Variants in TANC2 observed in about 807,000 individuals in gnomAD.
TANC2 encodes the protein protein TANC2.
Under a neutral mutation model 210.5 loss-of-function variants are expected in TANC2, and 26 were observed. That is an observed-to-expected ratio of 0.12 (90% CI 0.09 to 0.17). TANC2 has a LOEUF of 0.17. Among genes scored for constraint, TANC2 ranks in the 10% least tolerant of loss-of-function variants. The pLI, the probability that TANC2 is intolerant of heterozygous loss-of-function variation, is 1.00. For synonymous variants in TANC2, 931 were observed against 967.1 expected (o/e 0.96, Z 0.69); for missense variants, 2,129 against 2,608.9 (o/e 0.82, Z 4.01).
At chr17:63,172,091 T>C (rs1257099069) in intron 5 of TANC2, among the ~76,000 whole-genome samples, 3 of 152,196 alleles carry the variant, frequency 2.0e-5, no homozygotes, top group Non-Finnish European at 4.4e-5. Flanking sequence ...AAGTAACATT[T>C]TTTATAATGA....
intron 8 of TANC2, among the ~76,000 whole-genome samples, chr17:63,240,629 G>T (rs1178702571): frequency 6.6e-6 from 1 of 152,130 alleles, no homozygotes; most frequent in Non-Finnish European, 1.5e-5. Context: ...CAGACTATGG[G>T]AAGAGAGAAT....
intron 11 of TANC2, 73 bp from the exon 12 acceptor site, chr17:63,340,028 T>G: frequency 9.1e-7 from 1 of 1,098,404 alleles, no homozygotes. Context: ...GTATAATCAC[T>G]CAATAGCTGA....
chr17:63,279,055 T>C (rs1214801478), intron 9 of TANC2, among the ~76,000 whole-genome samples: 1 of 152,186 alleles, frequency 6.6e-6, no homozygotes, highest in Non-Finnish European at 1.5e-5. Context: ...CATGCTGTAC[T>C]ATTCACTTAA....
In TANC2 at chr17:63,018,392, A is replaced by C. The variant is rs1240537832; in HGVS notation, c.67+8766A>C. Among the ~76,000 whole-genome samples, 4 of 151,786 alleles carry C rather than the reference A, an allele frequency of 2.6e-5. No individual in the cohort carries two copies. The East Asian group carries it at 7.7e-4, about 29-fold the overall frequency. On this transcript the variant is annotated intron_variant, in intron 2 of 27. Coordinates refer to ENST00000689528, the Ensembl canonical transcript of TANC2. ...GCTCCTCAGGAGGCTGAGAGAGGAG[A>C]ATTGCTTGAACCTGAGAGGCAGAGA...
intron 9 of TANC2, among the ~76,000 whole-genome samples, chr17:63,268,547 C>T (rs192186400): frequency 2.0e-5 from 3 of 152,264 alleles, no homozygotes; most frequent in Non-Finnish European, 4.4e-5. Flanking sequence ...ATTCAAAACA[C>T]TTCTGATCCC....
At chr17:63,283,399 A>G (rs570239812) in intron 9 of TANC2, among the ~76,000 whole-genome samples, 2 of 151,850 alleles carry the variant, frequency 1.3e-5, no homozygotes, top group East Asian at 3.9e-4. Flanking sequence ...TCAACACTCC[A>G]GTCTTCTTTT....
At chr17:63,221,483 T>C (rs1310575406) in intron 7 of TANC2, among the ~76,000 whole-genome samples, 2 of 150,064 alleles carry the variant, frequency 1.3e-5, no homozygotes, top group African/African-American at 4.9e-5. Context: ...AAAGGGAAAT[T>C]ATAGATGAAG....
chr17:63,318,652 A>G (rs2045391912), intron 10 of TANC2, among the ~76,000 whole-genome samples: 1 of 152,184 alleles, frequency 6.6e-6, no homozygotes, highest in Non-Finnish European at 1.5e-5. Flanking sequence ...TCAAGGGTTT[A>G]TCCCCGTTCT....
chr17:63,128,287 TA>T (rs1364909026), intron 4 of TANC2, among the ~76,000 whole-genome samples: 2 of 152,172 alleles, frequency 1.3e-5, no homozygotes, highest in Admixed American at 6.5e-5. Context: ...AGGTGATAGA[TA>T]CCCCATTTAT....
At chr17:63,210,371 T>C (rs1239289586) in intron 7 of TANC2, among the ~76,000 whole-genome samples, 1 of 152,240 alleles carries the variant, frequency 6.6e-6, no homozygotes, top group African/African-American at 2.4e-5. Context: ...AATCTTACTT[T>C]CTTCATGAAG....
intron 8 of TANC2, among the ~76,000 whole-genome samples, chr17:63,240,848 T>A (rs568959507): frequency 6.6e-6 from 1 of 152,308 alleles, no homozygotes; most frequent in East Asian, 1.9e-4. Context: ...AAGTAATTGC[T>A]TCTTCTTCTA....
intron 9 of TANC2, among the ~76,000 whole-genome samples, chr17:63,269,925 T>G (rs1416823117): frequency 6.6e-6 from 1 of 152,188 alleles, no homozygotes; most frequent in Admixed American, 6.6e-5. Context: ...AATTTCATAT[T>G]CCTTGCAAAT....
chr17:63,025,821 T>TTAAAATAAATTAAAATAAAA (rs2034529427), intron 2 of TANC2, among the ~76,000 whole-genome samples: 1 of 141,474 alleles, frequency 7.1e-6, no homozygotes, highest in African/African-American at 2.8e-5. Context: ...TAAAATTAAA[T>TTAAAATAAATTAAAATAAAA]TAAAATAAAA....
chr17:62,971,773 T>G (rs1341757719), intron 1 of TANC2, among the ~76,000 whole-genome samples: 1 of 152,222 alleles, frequency 6.6e-6, no homozygotes, highest in Non-Finnish European at 1.5e-5. Flanking sequence ...AGCAGCTTCA[T>G]TAGATTCTCA....
At chr17:63,176,893 C>T (rs2040603832) in intron 5 of TANC2, among the ~76,000 whole-genome samples, 1 of 151,078 alleles carries the variant, frequency 6.6e-6, no homozygotes, top group Admixed American at 6.6e-5. Flanking sequence ...GGGACACATA[C>T]AGACTTCCAG....
chr17:63,154,278 T>G (rs2039761654), intron 5 of TANC2: 1 of 152,158 alleles, frequency 6.6e-6, no homozygotes, highest in Non-Finnish European at 1.5e-5. Context: ...CAGGATTTGT[T>G]GTTCAGCTCT....
chr17:63,141,380 A>T (rs986038427), intron 4 of TANC2, among the ~76,000 whole-genome samples: 2 of 6,308 alleles, frequency 3.2e-4, no homozygotes, highest in Non-Finnish European at 5.9e-4. Flanking sequence ...CGTTTCTACT[A>T]AAAAAAAAAA....
intron 2 of TANC2, among the ~76,000 whole-genome samples, chr17:63,068,947 A>G (rs569521345): frequency 6.6e-6 from 1 of 152,280 alleles, no homozygotes; most frequent in South Asian, 2.1e-4. Context: ...GTGATTTTAC[A>G]TATTAAGATA....
At chr17:63,276,920 C>T (rs899556829) in intron 9 of TANC2, among the ~76,000 whole-genome samples, 1 of 152,096 alleles carries the variant, frequency 6.6e-6, no homozygotes, top group African/African-American at 2.4e-5. Context: ...AAAAAGCAAT[C>T]GGTAATACAG....
Sources: allele counts gnomAD v4.1 joint callset (sites outside exome capture counted in the v4.1 genomes callset), GRCh38; gene constraint gnomAD v4.1.1; transcripts MANE v1.5; gene names NCBI Gene and HGNC (gene_info 2026-07-23, HGNC 2026-07-21).